The following VPS13B variants were observed in gnomAD, a reference collection of about 807,000 sequenced individuals.
VPS13B encodes intermembrane lipid transfer protein VPS13B.
Under a neutral mutation model 426.4 loss-of-function variants are expected in VPS13B, and 285 were observed. That is an observed-to-expected ratio of 0.67 (90% CI 0.61 to 0.74). The LOEUF (loss-of-function observed/expected upper bound fraction) is 0.74, where lower values mean the gene tolerates loss of function less well. Ranked by LOEUF, VPS13B falls within the 30% of genes least tolerant of loss-of-function variation. The pLI is 0.00. For missense variants in VPS13B, 4,537 were observed against 4,782.6 expected (o/e 0.95, Z 1.51); for synonymous variants, 1,676 against 1,676.4 (o/e 1.00, Z 0.01).
chr8:99,611,520 G>T (rs1827844632), intron 33 of VPS13B, among the ~76,000 whole-genome samples: 1 of 151,678 alleles, frequency 6.6e-6, no homozygotes, highest in Non-Finnish European at 1.5e-5. Flanking sequence ...ATAGCTAAAT[G>T]AGGACTGTTC....
At position 99,183,199 on chromosome 8, in the gene VPS13B, G is replaced by A. The variant is rs149681080; in HGVS notation, c.2334-9677G>A. Among the ~76,000 whole-genome samples, 932 of 152,176 alleles carry A rather than the reference G, an allele frequency of 6.1e-3. 13 individuals carry two copies. The highest frequency in any genetic ancestry group is 0.021 in the African/African-American group (883 of 41,536). On this transcript the variant is annotated intron_variant, in intron 16 of 61. Transcript: ENST00000357162. ...ACACCTTTTTGTTCATATTGTTGCC[G>A]TTTTCTTCTTATTTAACATCAGTAC...
intron 39 of VPS13B, among the ~76,000 whole-genome samples, chr8:99,727,017 A>G (rs1473222538): frequency 6.6e-6 from 1 of 152,200 alleles, no homozygotes; most frequent in South Asian, 2.1e-4. Context: ...GGTACTTTAC[A>G]TACATAATAA....
At chr8:99,216,432 A>G (rs1471637031) in intron 17 of VPS13B, among the ~76,000 whole-genome samples, 1 of 151,836 alleles carries the variant, frequency 6.6e-6, no homozygotes, top group Non-Finnish European at 1.5e-5. Context: ...CAATTGGATT[A>G]TAATTGTTTA....
At chr8:99,682,942 C>T (rs1015038979) in intron 35 of VPS13B, among the ~76,000 whole-genome samples, 1 of 152,190 alleles carries the variant, frequency 6.6e-6, no homozygotes, top group African/African-American at 2.4e-5. Context: ...ACACCCAAGC[C>T]ACAACTCTAG....
intron 36 of VPS13B, among the ~76,000 whole-genome samples, chr8:99,715,816 A>G (rs1468244372): frequency 6.6e-6 from 1 of 152,178 alleles, no homozygotes; most frequent in African/African-American, 2.4e-5. Flanking sequence ...ATGAATAGAT[A>G]TATTTCATTT....
intron 20 of VPS13B, among the ~76,000 whole-genome samples, chr8:99,385,953 T>C (rs1814097158): frequency 6.6e-6 from 1 of 152,148 alleles, no homozygotes; most frequent in African/African-American, 2.4e-5. Flanking sequence ...AAAAAAAATT[T>C]TGAATTTGTA....
At chr8:99,433,859 T>G (rs1250387968) in intron 22 of VPS13B, among the ~76,000 whole-genome samples, 1 of 152,118 alleles carries the variant, frequency 6.6e-6, no homozygotes, top group Non-Finnish European at 1.5e-5. Context: ...CAGGCTGGAG[T>G]GCAGTGATGC....
At chr8:99,643,752 G>A (rs1316985631) in intron 34 of VPS13B, among the ~76,000 whole-genome samples, 1 of 152,110 alleles carries the variant, frequency 6.6e-6, no homozygotes. Flanking sequence ...AATCATATCA[G>A]CTCTCCTACA....
At chr8:99,784,590 A>T in intron 43 of VPS13B, 114 bp downstream of exon 43, 1 of 1,386,486 alleles carries the variant, frequency 7.2e-7, no homozygotes. Context: ...GGAACCACAC[A>T]GCGTAGCTAC....
In VPS13B at chr8:99,531,946, C is replaced by T. The variant is rs1822957189; in HGVS notation, c.4745+10936C>T. Among the ~76,000 whole-genome samples, 5 of 152,120 alleles carry T rather than the reference C, an allele frequency of 3.3e-5. No individual in the cohort carries two copies. In the South Asian group the frequency reaches 1.0e-3, roughly 32 times the overall value. ...ATAGTGATTGTAACATAATTTACCT[C>T]ATACTTTTTTCAAGAGTATTTCATT... On this transcript the variant is annotated intron_variant, in intron 30 of 61. Coordinates refer to ENST00000357162, the MANE Select transcript of VPS13B (RefSeq NM_152564.5).
At chr8:99,431,735 T>C (rs917137134) in intron 22 of VPS13B, 71 bp downstream of exon 22, 7 of 1,491,656 alleles carry the variant, frequency 4.7e-6, no homozygotes, top group Non-Finnish European at 6.4e-6. Flanking sequence ...ATTGTTAATA[T>C]TGGTAAGACT....
intron 33 of VPS13B, among the ~76,000 whole-genome samples, chr8:99,602,093 T>C (rs1052950328): frequency 1.8e-4 from 28 of 152,222 alleles, no homozygotes; most frequent in Non-Finnish European, 3.2e-4. Context: ...TCCTGAATGG[T>C]ATTGCCTAGG....
chr8:99,657,991 G>A (rs1484129471), intron 34 of VPS13B, among the ~76,000 whole-genome samples: 1 of 152,096 alleles, frequency 6.6e-6, no homozygotes, highest in African/African-American at 2.4e-5. Context: ...CTAATCTATG[G>A]AAGAAAAATT....
At chr8:99,065,252 G>A (rs912048703) in intron 3 of VPS13B, among the ~76,000 whole-genome samples, 13 of 152,054 alleles carry the variant, frequency 8.5e-5, no homozygotes, top group African/African-American at 1.7e-4. Context: ...ACATTGATGC[G>A]AAAATCCTCA....
In VPS13B at chr8:99,642,101, A is replaced by G. The variant is rs767953687; in HGVS notation, c.5511A>G (p.Gln1837=). 18 of 1,614,052 alleles carry G rather than the reference A, an allele frequency of 1.1e-5. No homozygotes were observed. In the Admixed American group the frequency reaches 3.0e-4, roughly 27 times the overall value. ...TGGCCTTATCCAAATCGAAATCACA[A>G]GAACAGAAGAATAATGAAAAAACAG... ...SCMALSKSKS[Q]EQKNNEKTDK... Residue 1837 remains glutamine (Q), a synonymous_variant, in exon 34 of 62, where the codon CAA becomes CAG. Transcript: ENST00000357162.
chr8:99,252,225 C>T (rs1486712239), intron 17 of VPS13B, among the ~76,000 whole-genome samples: 1 of 151,816 alleles, frequency 6.6e-6, no homozygotes, highest in Non-Finnish European at 1.5e-5. Context: ...TCTCTCTGTA[C>T]TACTTTAGTT....
intron 44 of VPS13B, among the ~76,000 whole-genome samples, chr8:99,811,831 G>A (rs1813715199): frequency 6.6e-6 from 1 of 152,170 alleles, no homozygotes; most frequent in Non-Finnish European, 1.5e-5. Flanking sequence ...GGAAGTTAGT[G>A]TGAGGATTAA....
At chr8:99,302,854 G>A (rs1241624342) in intron 19 of VPS13B, among the ~76,000 whole-genome samples, 2 of 152,120 alleles carry the variant, frequency 1.3e-5, no homozygotes, top group Non-Finnish European at 2.9e-5. Flanking sequence ...CCATGGGCAC[G>A]TGAAGTACGG....
chr8:99,439,624 C>T (rs774831507), intron 22 of VPS13B, among the ~76,000 whole-genome samples: 18 of 151,784 alleles, frequency 1.2e-4, no homozygotes, highest in African/African-American at 2.2e-4. Context: ...ACTACATTTT[C>T]AAGTTGTAAA....
Sources: allele counts gnomAD v4.1 joint callset (sites outside exome capture counted in the v4.1 genomes callset), GRCh38; gene constraint gnomAD v4.1.1; transcripts MANE v1.5; gene names NCBI Gene and HGNC (gene_info 2026-07-23, HGNC 2026-07-21).